RARB: variants seen among roughly 807,000 people sequenced by gnomAD.
RARB encodes the protein HBV-activated protein.
Under a neutral mutation model 51.9 loss-of-function variants are expected in RARB, and 17 were observed. That is an observed-to-expected ratio of 0.33 (90% CI 0.22 to 0.49). RARB has a LOEUF of 0.49. Among genes scored for constraint, RARB ranks in the 20% least tolerant of loss-of-function variants. The pLI is 0.99. For synonymous variants in RARB, 215 were observed against 195.4 expected (o/e 1.10, Z -0.84); for missense variants, 369 against 550.8 (o/e 0.67, Z 3.30).
intron 2 of RARB, among the ~76,000 whole-genome samples, chr3:24,913,982 A>C (rs1193212487): frequency 6.6e-6 from 1 of 152,232 alleles, no homozygotes; most frequent in Non-Finnish European, 1.5e-5. Flanking sequence ...ATGCGATGGA[A>C]ATACACACAA....
intron 5 of RARB, among the ~76,000 whole-genome samples, chr3:25,177,367 TA>T (rs745708139): frequency 6.6e-6 from 1 of 152,128 alleles, no homozygotes; most frequent in African/African-American, 2.4e-5. Context: ...AAAGACTCAA[TA>T]ACTAGCAACA....
At chr3:25,041,537 G>GA (rs754278956) in intron 2 of RARB, among the ~76,000 whole-genome samples, 4,375 of 132,754 alleles carry the variant, frequency 0.033, 187 homozygotes, top group African/African-American at 0.11. Flanking sequence ...GGACATTTGG[G>GA]AAAAAAAAAA....
intron 5 of RARB, among the ~76,000 whole-genome samples, chr3:25,313,255 A>G (rs1704335440): frequency 1.3e-5 from 2 of 152,214 alleles, no homozygotes; most frequent in Admixed American, 6.5e-5. Flanking sequence ...AATCAAATGT[A>G]GATAAACCAG....
chr3:25,369,674 G>A (rs1270798833), intron 5 of RARB, among the ~76,000 whole-genome samples: 4 of 152,152 alleles, frequency 2.6e-5, no homozygotes, highest in Admixed American at 2.6e-4. Flanking sequence ...TGTAATCCCA[G>A]CACTTTGAGA....
intron 1 of RARB, among the ~76,000 whole-genome samples, chr3:24,846,214 C>G (rs980541209): frequency 6.6e-6 from 1 of 152,166 alleles, no homozygotes; most frequent in African/African-American, 2.4e-5. Flanking sequence ...AGTTAATTAG[C>G]TACTCTGTGT....
At chr3:25,434,043 T>G (rs951911160) in intron 1 of RARB, among the ~76,000 whole-genome samples, 1 of 152,114 alleles carries the variant, frequency 6.6e-6, no homozygotes, top group Non-Finnish European at 1.5e-5. Flanking sequence ...TTTAGTAAGA[T>G]AAGACTCTCT....
intron 4 of RARB, among the ~76,000 whole-genome samples, chr3:25,160,209 G>T (rs1252015074): frequency 6.6e-6 from 1 of 152,144 alleles, no homozygotes; most frequent in Non-Finnish European, 1.5e-5. Context: ...CAGCTCTAAG[G>T]CTGCAGATAA....
At chr3:24,977,214 C>A (rs1015809556) in intron 2 of RARB, among the ~76,000 whole-genome samples, 5 of 151,908 alleles carry the variant, frequency 3.3e-5, no homozygotes, top group African/African-American at 1.2e-4. Context: ...AGCTTTGTTC[C>A]TTTTGCTCAG....
intron 4 of RARB, among the ~76,000 whole-genome samples, chr3:25,164,244 T>G (rs916541698): frequency 4.6e-5 from 7 of 152,134 alleles, no homozygotes; most frequent in African/African-American, 1.7e-4. Flanking sequence ...GAGAAACTGA[T>G]GAGAATGGGT....
intron 2 of RARB, among the ~76,000 whole-genome samples, chr3:24,866,794 G>A (rs1702856482): frequency 6.6e-6 from 1 of 152,138 alleles, no homozygotes. Flanking sequence ...TTTTACACAT[G>A]TAGAGCTGGT....
At chr3:25,105,291 CTG>C (rs949380716) in intron 3 of RARB, among the ~76,000 whole-genome samples, 1 of 151,952 alleles carries the variant, frequency 6.6e-6, no homozygotes. Flanking sequence ...TCAGGCTTCT[CTG>C]AGACCTACTG....
rs911127294 is a variant in RARB at position 25,597,805 on chromosome 3, G to GTGA, written c.*1192_*1194dup. 3.9e-5 allele frequency: 6 copies of GTGA among 152,180 alleles called. No homozygotes were observed. The highest frequency in any genetic ancestry group is 2.1e-4 in the South Asian group (1 of 4,812). The allele number at this position is 152,180 out of a possible 1,614,324, so 9.4% of individuals were successfully genotyped here. A position where few individuals can be genotyped will look rare whatever the true frequency, so the allele number is the denominator to read the frequency against. Reference sequence around the variant, plus strand: ...TTTTTTTTGATATATTAGCAAGTCTGTGATGTACTTTCACTGGCTCTGTTT... The same window carrying GTGA: ...TTTTTTTTGATATATTAGCAAGTCTGTGATGATGTACTTTCACTGGCTCTGTTT... On this transcript the variant is annotated 3_prime_UTR_variant, in exon 8 of 8. Coordinates refer to ENST00000330688, the MANE Select transcript of RARB (RefSeq NM_000965.5).
chr3:25,039,011 G>A (rs922643581), intron 2 of RARB, among the ~76,000 whole-genome samples: 7 of 152,266 alleles, frequency 4.6e-5, no homozygotes, highest in Non-Finnish European at 8.8e-5. Flanking sequence ...TTGCTTAAAC[G>A]GTTTAGAACT....
chr3:25,497,018 G>A (rs1305814673), intron 2 of RARB, among the ~76,000 whole-genome samples: 2 of 152,282 alleles, frequency 1.3e-5, no homozygotes, highest in East Asian at 3.9e-4. Flanking sequence ...CCGAGTAGCT[G>A]GAATTACAGG....
intron 4 of RARB, among the ~76,000 whole-genome samples, chr3:25,152,035 C>G (rs1357717442): frequency 6.6e-6 from 1 of 152,068 alleles, no homozygotes; most frequent in East Asian, 1.9e-4. Context: ...GTTTTAAGTA[C>G]TTAAAAATTC....
At chr3:25,206,671 T>C (rs1017269480) in intron 5 of RARB, among the ~76,000 whole-genome samples, 1 of 152,126 alleles carries the variant, frequency 6.6e-6, no homozygotes, top group Non-Finnish European at 1.5e-5. Context: ...ATACAGTAGC[T>C]CAATGAAACA....
At chr3:24,855,242 G>A (rs774148911) in intron 1 of RARB, among the ~76,000 whole-genome samples, 2 of 152,146 alleles carry the variant, frequency 1.3e-5, no homozygotes, top group African/African-American at 2.4e-5. Context: ...AGAAAGTGAA[G>A]CAGTAAGTCA....
At chr3:25,397,263 T>C (rs1307643953) in intron 5 of RARB, among the ~76,000 whole-genome samples, 6 of 152,158 alleles carry the variant, frequency 3.9e-5, no homozygotes, top group Non-Finnish European at 8.8e-5. Context: ...CTCTCTAAAT[T>C]TGTTTGACTT....
chr3:24,954,788 T>A (rs1695972633), intron 2 of RARB, among the ~76,000 whole-genome samples: 1 of 152,152 alleles, frequency 6.6e-6, no homozygotes. Flanking sequence ...GAAAAGTTCC[T>A]TTGACTCCCT....
Sources: gnomAD v4.1 joint callset for allele counts (sites outside exome capture counted in the v4.1 genomes callset) on GRCh38, gnomAD v4.1.1 for gene constraint, MANE v1.5 for transcripts, NCBI Gene and HGNC (gene_info 2026-07-23, HGNC 2026-07-21) for gene names.